TMEM232: variants seen among roughly 807,000 people sequenced by gnomAD.
TMEM232 encodes the protein transmembrane protein 232.
In TMEM232, 80 loss-of-function variants were observed where a neutral mutation model predicts 78.8. The ratio of observed to expected loss-of-function variants is 1.01; its 90% CI spans 0.85 to 1.22. The LOEUF (loss-of-function observed/expected upper bound fraction) is 1.22, where lower values mean the gene tolerates loss of function less well. Among genes scored for constraint, TMEM232 ranks in the 50% most tolerant of loss-of-function variants. The pLI, the probability that TMEM232 is intolerant of heterozygous loss-of-function variation, is 0.00. For missense variants in TMEM232, 881 were observed against 742.2 expected (o/e 1.19, Z -2.17); for synonymous variants, 297 against 254.3 (o/e 1.17, Z -1.60).
chr5:110,455,376 TA>T (rs1760785355), intron 12 of TMEM232, among the ~76,000 whole-genome samples: 1 of 150,992 alleles, frequency 6.6e-6, no homozygotes, highest in Non-Finnish European at 1.5e-5. Flanking sequence ...AAAGTAGATA[TA>T]AACTTTTTTT....
At chr5:110,426,481 G>A (rs1757243849) in intron 12 of TMEM232, among the ~76,000 whole-genome samples, 1 of 152,054 alleles carries the variant, frequency 6.6e-6, no homozygotes, top group Non-Finnish European at 1.5e-5. Context: ...CCATCAGTAA[G>A]AGTCTACCAC....
At chr5:110,621,202 T>A (rs6594465) in intron 7 of TMEM232, among the ~76,000 whole-genome samples, 25,919 of 143,780 alleles carry the variant, frequency 0.18, 2,782 homozygotes, top group African/African-American at 0.37. Context: ...TTTCAAAAAA[T>A]AAAAAATAAA....
In TMEM232 at chr5:110,628,310, A is replaced by G. The variant is rs150737303; in HGVS notation, c.502-430T>C. On this transcript the variant is annotated intron_variant, in intron 5 of 13. Coordinates refer to ENST00000455884, the MANE Select transcript of TMEM232 (RefSeq NM_001039763.4). ...TTATGTTATCCGAATTGCAATGCAA[A>G]AGGTATTTATTTCTAAGCATCTCTG... Among the ~76,000 whole-genome samples, 43 of 152,198 alleles carry G rather than the reference A, an allele frequency of 2.8e-4. No individual in the cohort carries two copies. In the East Asian group the frequency reaches 7.3e-3, roughly 26 times the overall value.
intron 11 of TMEM232, among the ~76,000 whole-genome samples, chr5:110,541,080 A>T (rs1773044463): frequency 6.6e-6 from 1 of 152,168 alleles, no homozygotes; most frequent in East Asian, 1.9e-4. Flanking sequence ...TCCTGGTGGT[A>T]CATGGGATCA....
chr5:110,448,045 C>G (rs555822269), intron 12 of TMEM232, among the ~76,000 whole-genome samples: 4 of 151,880 alleles, frequency 2.6e-5, no homozygotes, highest in African/African-American at 9.7e-5. Context: ...ACTTACTATA[C>G]CAGTTCAAAA....
intron 10 of TMEM232, among the ~76,000 whole-genome samples, chr5:110,571,547 T>C (rs1211953412): frequency 6.6e-6 from 1 of 151,966 alleles, no homozygotes; most frequent in East Asian, 1.9e-4. Context: ...AGGCCAGTCA[T>C]GGTGGCTCAC....
intron 1 of TMEM232, among the ~76,000 whole-genome samples, chr5:110,694,546 T>C (rs1313055312): frequency 1.3e-5 from 2 of 152,122 alleles, no homozygotes; most frequent in African/African-American, 4.8e-5. Flanking sequence ...CAGTGTGCTG[T>C]ATTCAGGAAA....
At chr5:110,665,538 GA>G (rs1212486225) in intron 2 of TMEM232, among the ~76,000 whole-genome samples, 21 of 152,236 alleles carry the variant, frequency 1.4e-4, no homozygotes, top group East Asian at 3.9e-4. Context: ...GAGAGAGTGA[GA>G]AGGGGGAAGC....
chr5:110,668,781 G>T (rs535891989), intron 1 of TMEM232, among the ~76,000 whole-genome samples: 257 of 146,430 alleles, frequency 1.8e-3, no homozygotes, highest in African/African-American at 6.5e-3. Context: ...AAACTGTCTC[G>T]CAGACCACAG....
intron 12 of TMEM232, among the ~76,000 whole-genome samples, chr5:110,522,794 A>G: frequency 6.6e-6 from 1 of 152,248 alleles, no homozygotes; most frequent in East Asian, 1.9e-4. Flanking sequence ...GATTATTTTA[A>G]GATGCTTCTG....
chr5:110,713,851 G>C (rs534011090), intron 1 of TMEM232, among the ~76,000 whole-genome samples: 1 of 152,294 alleles, frequency 6.6e-6, no homozygotes, highest in East Asian at 1.9e-4. Context: ...GCAGTGCAAA[G>C]AACTGTAGTC....
At chr5:110,654,550 G>C (rs1318205050) in intron 2 of TMEM232, among the ~76,000 whole-genome samples, 2 of 152,160 alleles carry the variant, frequency 1.3e-5, no homozygotes, top group African/African-American at 4.8e-5. Context: ...GGTTACTGTA[G>C]CCTTGTAGTA....
At chr5:110,415,436 G>T (rs311704), downstream of TMEM232, among the ~76,000 whole-genome samples, 41,059 of 150,882 alleles carry the variant, frequency 0.27, 9,197 homozygotes, top group African/African-American at 0.61. Context: ...TTCCACCCAC[G>T]TTGGCCTCCC....
chr5:110,675,141 G>A (rs35858268), intron 1 of TMEM232, among the ~76,000 whole-genome samples: 47,108 of 151,850 alleles, frequency 0.31, 9,001 homozygotes, highest in Non-Finnish European at 0.42. Flanking sequence ...CACCTCACAG[G>A]GTCAAGCGAT....
chr5:110,706,755 A>G (rs771902232), intron 1 of TMEM232, among the ~76,000 whole-genome samples: 1 of 152,184 alleles, frequency 6.6e-6, no homozygotes, highest in Admixed American at 6.6e-5. Context: ...AATAATCCCA[A>G]TGCAGTGATT....
chr5:110,716,976 T>C (rs1386890839), intron 1 of TMEM232, among the ~76,000 whole-genome samples: 3 of 152,142 alleles, frequency 2.0e-5, no homozygotes, highest in Non-Finnish European at 4.4e-5. Context: ...GCAATTTGTC[T>C]ATCCATCACT....
intron 1 of TMEM232, among the ~76,000 whole-genome samples, chr5:110,679,395 T>C (rs1308822321): frequency 6.6e-6 from 1 of 152,234 alleles, no homozygotes; most frequent in African/African-American, 2.4e-5. Flanking sequence ...TTTTCGAGTT[T>C]CTAAGAGCTC....
At chr5:110,541,477 C>T (rs983241957) in intron 11 of TMEM232, among the ~76,000 whole-genome samples, 2 of 151,972 alleles carry the variant, frequency 1.3e-5, no homozygotes, top group African/African-American at 4.8e-5. Context: ...GAGAAATAAC[C>T]CCCAGTTTGG....
At chr5:110,669,884 A>G (rs1270369935) in intron 1 of TMEM232, among the ~76,000 whole-genome samples, 1 of 152,222 alleles carries the variant, frequency 6.6e-6, no homozygotes, top group Non-Finnish European at 1.5e-5. Context: ...CAAAAACCAC[A>G]TGATTATCTC....
Sources: gnomAD v4.1 joint callset for allele counts (sites outside exome capture counted in the v4.1 genomes callset) on GRCh38, gnomAD v4.1.1 for gene constraint, MANE v1.5 for transcripts, NCBI Gene and HGNC (gene_info 2026-07-23, HGNC 2026-07-21) for gene names.